The following ANKRD52 variants were observed in gnomAD, a reference collection of about 807,000 sequenced individuals.
ANKRD52 encodes serine/threonine-protein phosphatase 6 regulatory ankyrin repeat subunit C.
In ANKRD52, 7 loss-of-function variants were observed where a neutral mutation model predicts 116.0. That is an observed-to-expected ratio of 0.06 (90% CI 0.03 to 0.11). The LOEUF (loss-of-function observed/expected upper bound fraction) is 0.11, where lower values mean the gene tolerates loss of function less well. Among genes scored for constraint, ANKRD52 ranks in the 10% least tolerant of loss-of-function variants. The probability of loss-of-function intolerance (pLI) is 1.00; values close to 1 mark genes in which losing one functional copy is unlikely to be tolerated. For missense variants in ANKRD52, 839 were observed against 1,408.6 expected (o/e 0.60, Z 6.47); for synonymous variants, 528 against 578.1 (o/e 0.91, Z 1.24).
chr12:56,241,058 G>A lies in ANKRD52; in HGVS notation c.*2084C>T, dbSNP rs568653337. The A allele has an allele frequency of 6.6e-6, 1 of 152,366 alleles. No homozygotes were observed. Among genetic ancestry groups the A allele is most frequent in the African/African-American group, 2.4e-5 (1 of 41,562 alleles). 9.4% of individuals were successfully genotyped at this position (152,366 alleles called of 1,614,324 possible). A position where few individuals can be genotyped will look rare whatever the true frequency, so the allele number is the denominator to read the frequency against. The stretch of plus-strand genomic sequence containing the variant: ...AATTGAAGGGAAGGCAAGCTTTGCA[G>A]AGCCAGCAGGGTTGGGGATGGGGGC... On this transcript the variant is annotated 3_prime_UTR_variant, in exon 28 of 28. Transcript: ENST00000267116.
At position 56,244,178 on chromosome 12, in the gene ANKRD52, T is replaced by C. The variant is rs779044196; in HGVS notation, c.2806-45A>G. The C allele has an allele frequency of 1.9e-6, 3 of 1,604,398 alleles. No homozygotes were observed. In the South Asian group the frequency reaches 3.3e-5, roughly 18 times the overall value. ...AGTGGAGACTTGTGAAGTAGAAATG[T>C]GGCAGGGTGCAGGGCAGGAGTTGGG... is the stretch of plus-strand genomic sequence containing the variant. On this transcript the variant is annotated intron_variant, in intron 25 of 27. Coordinates refer to ENST00000267116, the MANE Select transcript of ANKRD52 (RefSeq NM_173595.4). This position sits in a 1 kb window ranked among gnomAD's most constrained non-coding sequence, Gnocchi z 4.9.
Position 56,244,320 on chromosome 12 carries a change from T to G in ANKRD52, c.2805+33A>C. ...ACCTCTCTTCATCAAGCTCTGCCCC[T>G]TATGCAGTCCCCCAATCACTTCAGG... On this transcript the variant is annotated intron_variant, in intron 25 of 27. Coordinates refer to ENST00000267116, the MANE Select transcript of ANKRD52 (RefSeq NM_173595.4). This position sits in a 1 kb window ranked among gnomAD's most constrained non-coding sequence, Gnocchi z 4.9. The G allele has an allele frequency of 6.2e-7, 1 of 1,608,188 alleles. No individual in the cohort carries two copies. Among genetic ancestry groups the G allele is most frequent in the Non-Finnish European group, 8.5e-7 (1 of 1,174,794 alleles).
In ANKRD52 at chr12:56,258,259, A is replaced by C; in HGVS notation, c.11T>G (p.Leu4Arg). 6.3e-7 allele frequency: 1 copy of C among 1,598,976 alleles called. No homozygotes were observed. Among genetic ancestry groups the C allele is most frequent in the Non-Finnish European group, 8.5e-7 (1 of 1,174,340 alleles). The change falls in exon 1 of 28, where the codon CTC becomes CGC. Residue 4 changes from leucine to arginine, a missense_variant. Around this residue, in one of 2 missense-constraint regions of ANKRD52, gnomAD observed 287 missense variants for 598.1 expected, o/e 0.48. Transcript: ENST00000267116. The part of the protein sequence containing the change: MGI[L>R]SITDQPPLVQ... ...AGGGCTGACCTGGTCCGTGATGCTG[A>C]GGATCCCCATGGCTCGGCCCGGGCT...
rs1458938303 is a variant in ANKRD52, at chr12:56,241,134, T to C, written c.*2008A>G. The C allele has an allele frequency of 1.3e-5, 2 of 151,952 alleles. No homozygotes were observed. The highest frequency in any genetic ancestry group is 4.8e-5 in the African/African-American group (2 of 41,330). The allele number at this position is 151,952 out of a possible 1,614,324, so 9.4% of individuals were successfully genotyped here. ...GATTGTCATATAGGGGAGGACACGGTGTGGAGGGAGGTGGGCAAGAGGGGC... is the reference window on the plus strand; with the variant it reads ...GATTGTCATATAGGGGAGGACACGGCGTGGAGGGAGGTGGGCAAGAGGGGC... On this transcript the variant is annotated 3_prime_UTR_variant, in exon 28 of 28. Coordinates refer to ENST00000267116, the MANE Select transcript of ANKRD52 (RefSeq NM_173595.4).
In ANKRD52 at chr12:56,252,873, G is replaced by A; in HGVS notation, c.1208C>T (p.Ser403Leu). 6.2e-7 allele frequency: 1 copy of A among 1,614,004 alleles called. No individual in the cohort carries two copies. Among genetic ancestry groups the A allele is most frequent in the Non-Finnish European group, 8.5e-7 (1 of 1,179,896 alleles). The change falls in exon 12 of 28, where the codon TCA (serine) becomes TTA (leucine). Residue 403 changes from serine to leucine, a missense_variant. Transcript: ENST00000267116. This position sits in a 1 kb window ranked among gnomAD's most constrained non-coding sequence, Gnocchi z 4.7. ...SSGQLYSIVSSLSNEHVLSAG... is the reference protein window; with the variant it reads ...SSGQLYSIVSLLSNEHVLSAG... ...TGAAAGCACATGCTCATTGCTGAGT[G>A]AAGACACAATGCTGTACAACTGACC...
In ANKRD52 at chr12:56,252,588, TAA is replaced by T. The variant is rs1325583399; in HGVS notation, c.1302-20_1302-19del. ...CAACATTCCTAAAAGAAAGATGTGT[TAA>T]GAGAGTTACAGCCTCAAAGGGAAGC... On this transcript the variant is annotated intron_variant, in intron 12 of 27. Coordinates refer to ENST00000267116, the MANE Select transcript of ANKRD52 (RefSeq NM_173595.4). The surrounding 1 kb of genome is among the most constrained non-coding windows in gnomAD (Gnocchi z 4.7). 1.2e-6 allele frequency: 2 copies of T among 1,612,558 alleles called. No homozygotes were observed. The highest frequency in any genetic ancestry group is 8.5e-7 in the Non-Finnish European group (1 of 1,178,868).
chr12:56,237,902 G>T lies in ANKRD52; in HGVS notation c.*5240C>A. On this transcript the variant is annotated 3_prime_UTR_variant, in exon 28 of 28. Transcript: ENST00000267116. ...AAACAGCATAGAAAACCAGAGTGTG[G>T]TGGGAGGACCCGAAGCCGGTTGGGG... 1.1e-6 allele frequency: 1 copy of T among 871,622 alleles called. No individual in the cohort carries two copies. The highest frequency in any genetic ancestry group is 1.6e-6 in the Non-Finnish European group (1 of 609,290). The allele number at this position is 871,622 out of a possible 1,614,324, so 54.0% of individuals were successfully genotyped here.
Position 56,248,317 on chromosome 12 carries a change from A to G in ANKRD52, c.1777-93T>C. The G allele has an allele frequency of 2.0e-6, 3 of 1,517,022 alleles. No individual in the cohort carries two copies. Among genetic ancestry groups the G allele is most frequent in the Non-Finnish European group, 2.7e-6 (3 of 1,102,996 alleles). The allele number at this position is 1,517,022 out of a possible 1,614,324, so 94.0% of individuals were successfully genotyped here. On this transcript the variant is annotated intron_variant, in intron 17 of 27. Transcript: ENST00000267116. The surrounding 1 kb of genome is among the most constrained non-coding windows in gnomAD (Gnocchi z 5.1). ...GCTCTTGGGGTCCCTGGGAAGCTCA[A>G]GGTCTTAGTCCTTGACAAGCTCCTT...
intron 2 of ANKRD52, among the ~76,000 whole-genome samples, chr12:56,257,602 G>A (rs936951295): frequency 2.6e-5 from 4 of 152,130 alleles, no homozygotes; most frequent in Admixed American, 2.0e-4. Context: ...GACTCCGGAG[G>A]TTGAGAAGAG....
At chr12:56,250,690 T>C (rs1050088079) in intron 15 of ANKRD52, among the ~76,000 whole-genome samples, 6 of 147,570 alleles carry the variant, frequency 4.1e-5, no homozygotes, top group Non-Finnish European at 8.9e-5. Context: ...TCGAGACCAG[T>C]GTGGGCAACA....
chr12:56,256,736 G>A (rs1565613159), intron 4 of ANKRD52, among the ~76,000 whole-genome samples: 1 of 152,244 alleles, frequency 6.6e-6, no homozygotes, highest in Non-Finnish European at 1.5e-5. Flanking sequence ...CAGACTCAAG[G>A]TGGCCCCCCA....
intron 4 of ANKRD52, 69 bp downstream of exon 4, chr12:56,256,946 T>A (rs1871981568): frequency 6.6e-7 from 1 of 1,506,602 alleles, no homozygotes; most frequent in South Asian, 1.3e-5. Context: ...TGAGGCTCCT[T>A]AACCCTTAAC....
rs1871757921 is a variant in ANKRD52, at chr12:56,252,618, C to A, written c.1302-48G>T. ...GAGTTACAGCCTCAAAGGGAAGCCA[C>A]AGGCCCAGGGTGGGGCTAAGGAAGG... On this transcript the variant is annotated intron_variant, in intron 12 of 27. Coordinates refer to ENST00000267116, the MANE Select transcript of ANKRD52 (RefSeq NM_173595.4). The surrounding 1 kb of genome is among the most constrained non-coding windows in gnomAD (Gnocchi z 4.7). 6.9e-6 allele frequency: 11 copies of A among 1,595,358 alleles called. No homozygotes were observed. Among genetic ancestry groups the A allele is most frequent in the Non-Finnish European group, 9.5e-6 (11 of 1,163,944 alleles).
chr12:56,246,918 TCAATAA>T (rs1871429388), intron 20 of ANKRD52, among the ~76,000 whole-genome samples: 1 of 96,002 alleles, frequency 1.0e-5, no homozygotes, highest in South Asian at 3.7e-4. Flanking sequence ...AGACTCTATC[TCAATAA>T]TAATAATAAT....
intron 20 of ANKRD52, among the ~76,000 whole-genome samples, chr12:56,245,842 G>C (rs1871375378): frequency 6.7e-6 from 1 of 149,950 alleles, no homozygotes; most frequent in Non-Finnish European, 1.5e-5. Flanking sequence ...AGCCTCCCAA[G>C]TAGCTGGGAT....
chr12:56,245,784 G>A (rs1244184008), intron 20 of ANKRD52, among the ~76,000 whole-genome samples, 188 bp from the exon 21 acceptor site: 1 of 145,966 alleles, frequency 6.9e-6, no homozygotes, highest in African/African-American at 2.6e-5. Flanking sequence ...GCATAATCTC[G>A]GCTCACTGCA....
At position 56,248,353 on chromosome 12, in the gene ANKRD52, A is replaced by G. The variant is rs1871519599; in HGVS notation, c.1777-129T>C. ...CTTGACAAGCTCCTTGGGCCCCTTA[A>G]GGCTTCCTACCCTGCACTGTGCTTA... On this transcript the variant is annotated intron_variant, in intron 17 of 27. Coordinates refer to ENST00000267116, the MANE Select transcript of ANKRD52 (RefSeq NM_173595.4). This position sits in a 1 kb window ranked among gnomAD's most constrained non-coding sequence, Gnocchi z 5.1. 3 of 1,416,720 alleles carry G rather than the reference A, an allele frequency of 2.1e-6. No individual in the cohort carries two copies. The highest frequency in any genetic ancestry group is 2.9e-6 in the Non-Finnish European group (3 of 1,024,234). The allele number at this position is 1,416,720 out of a possible 1,614,324, so 87.8% of individuals were successfully genotyped here.
intron 2 of ANKRD52, among the ~76,000 whole-genome samples, 175 bp from the exon 3 acceptor site, chr12:56,257,536 AGG>A (rs1250525820): frequency 6.6e-6 from 1 of 152,036 alleles, no homozygotes; most frequent in Non-Finnish European, 1.5e-5. Context: ...GGGTGGAGTC[AGG>A]GCCAATGGGC....
intron 20 of ANKRD52, 71 bp downstream of exon 20, chr12:56,247,422 T>C (rs1374397105): frequency 1.6e-6 from 2 of 1,245,306 alleles, no homozygotes; most frequent in Admixed American, 2.3e-5. Context: ...TTGGATTCCC[T>C]ACTGCTGGTG....
Sources: allele counts gnomAD v4.1 joint callset (sites outside exome capture counted in the v4.1 genomes callset), GRCh38; gene constraint gnomAD v4.1.1; regional missense constraint gnomAD v4.1.1; non-coding constraint Gnocchi (gnomAD v3.1); transcripts MANE v1.5; gene names NCBI Gene and HGNC (gene_info 2026-07-23, HGNC 2026-07-21).